The following CDC42SE2 variants were observed in gnomAD, a reference collection of about 807,000 sequenced individuals.
CDC42SE2 encodes CDC42 small effector protein 2.
In CDC42SE2, 3 loss-of-function variants were observed where a neutral mutation model predicts 11.5. The observed-to-expected ratio is 0.26, with a 90% CI of 0.12 to 0.67. CDC42SE2 has a LOEUF of 0.67. CDC42SE2 is among the 30% of genes least tolerant of loss of function. The pLI is 0.80. For missense variants in CDC42SE2, 82 were observed against 106.8 expected, an observed-to-expected ratio of 0.77 and a Z score of 1.02; for synonymous variants, 33 against 34.8, an observed-to-expected ratio of 0.95 and a Z score of 0.18.
the CDC42SE2 span, among the ~76,000 whole-genome samples, chr5:131,237,630 G>A: frequency 6.6e-6 from 1 of 152,182 alleles, no homozygotes; most frequent in Non-Finnish European, 1.5e-5. Flanking sequence ...CCAGGCTGGA[G>A]TGCAGTGGCA....
At position 131,368,207 on chromosome 5, in the gene CDC42SE2, T is replaced by C. The variant is rs1023811192; in HGVS notation, c.54+8660T>C. On this transcript the variant is annotated intron_variant, in intron 3 of 4. Transcript: ENST00000505065. ...GGCGGAGCTTGCAATGAGCCGAGATTGCGCCACTGCACTCCAGCCTGGGCA... is the reference window on the plus strand; with the variant it reads ...GGCGGAGCTTGCAATGAGCCGAGATCGCGCCACTGCACTCCAGCCTGGGCA... Among the ~76,000 whole-genome samples the C allele has an allele frequency of 1.2e-3, 177 of 146,780 alleles. 1 individual carries two copies. Among genetic ancestry groups the C allele is most frequent in the African/African-American group, 4.4e-3 (171 of 39,278 alleles).
chr5:131,381,007 C>T (rs969603744), intron 3 of CDC42SE2, among the ~76,000 whole-genome samples: 7 of 152,212 alleles, frequency 4.6e-5, no homozygotes, highest in African/African-American at 1.2e-4. Context: ...TGACCTCTCA[C>T]CACCTTTCAG....
At chr5:131,278,698 TCCTTTCCTTTCCTCTCCCCTCC>T (rs1757157178) in intron 1 of CDC42SE2, among the ~76,000 whole-genome samples, 1 of 90,346 alleles carries the variant, frequency 1.1e-5, no homozygotes, top group Admixed American at 1.3e-4. Flanking sequence ...TATTGGCAGT[TCCTTTCCTTTCCTCTCCCCTCC>T]CCTCCCCCCT....
At chr5:131,271,559 ATC>A (rs1756995534) in intron 1 of CDC42SE2, among the ~76,000 whole-genome samples, 1 of 152,176 alleles carries the variant, frequency 6.6e-6, no homozygotes, top group Admixed American at 6.6e-5. Context: ...GGACTTCAGC[ATC>A]TGGGGATTTG....
intron 2 of CDC42SE2, among the ~76,000 whole-genome samples, chr5:131,336,620 T>G (rs183594212): frequency 4.6e-5 from 7 of 152,210 alleles, no homozygotes; most frequent in Admixed American, 6.5e-5. Flanking sequence ...TTGAGACGTA[T>G]ATTTGGTCTT....
At chr5:131,307,856 G>A (rs1292791683) in intron 1 of CDC42SE2, among the ~76,000 whole-genome samples, 2 of 152,126 alleles carry the variant, frequency 1.3e-5, no homozygotes, top group African/African-American at 4.8e-5. Flanking sequence ...TTGGCTGCAT[G>A]AATGTCTTCT....
rs147335792 is a variant in CDC42SE2, at chr5:131,386,486, G to A, written c.156+842G>A. Among the ~76,000 whole-genome samples, 636 of 152,308 alleles carry A rather than the reference G, an allele frequency of 4.2e-3. 9 individuals are homozygous for A. Among genetic ancestry groups the A allele is most frequent in the African/African-American group, 0.014 (596 of 41,564 alleles). ...ATTTTCACATATCCCTTTAGGGCAA[G>A]GCAGTAAAAATTTGTCACATTTGCC... On this transcript the variant is annotated intron_variant, in intron 4 of 4. Coordinates refer to ENST00000505065, the MANE Select transcript of CDC42SE2 (RefSeq NM_001375635.1).
the CDC42SE2 span, among the ~76,000 whole-genome samples, chr5:131,222,199 T>A: frequency 6.6e-6 from 1 of 152,220 alleles, no homozygotes; most frequent in Non-Finnish European, 1.5e-5. Flanking sequence ...ATTTTACTAA[T>A]TTGGGATGGA....
intron 1 of CDC42SE2, among the ~76,000 whole-genome samples, chr5:131,298,384 T>C (rs1334655378): frequency 6.6e-6 from 1 of 151,848 alleles, no homozygotes; most frequent in Non-Finnish European, 1.5e-5. Flanking sequence ...GGCCTCCCAA[T>C]GTGCTCGGAT....
At chr5:131,297,753 A>C (rs1757601083) in intron 1 of CDC42SE2, among the ~76,000 whole-genome samples, 1 of 151,716 alleles carries the variant, frequency 6.6e-6, no homozygotes, top group South Asian at 2.1e-4. Context: ...AATAAAAATT[A>C]AAAATTATAA....
At chr5:131,333,729 A>G (rs571510024) in intron 2 of CDC42SE2, among the ~76,000 whole-genome samples, 11 of 152,208 alleles carry the variant, frequency 7.2e-5, no homozygotes, top group African/African-American at 1.9e-4. Flanking sequence ...CTTTGAAGCA[A>G]TTGTGAATGG....
chr5:131,264,679 C>A (rs1430834370), intron 1 of CDC42SE2, among the ~76,000 whole-genome samples: 4 of 152,210 alleles, frequency 2.6e-5, no homozygotes, highest in Admixed American at 6.5e-5. Flanking sequence ...TCGCCCCGGG[C>A]CCCGGGCTTG....
At chr5:131,258,560 C>T (rs1233617486) in intron 2 of CDC42SE2, among the ~76,000 whole-genome samples, 2 of 151,966 alleles carry the variant, frequency 1.3e-5, no homozygotes, top group Non-Finnish European at 2.9e-5. Context: ...AATTGGATCA[C>T]AGGCTATGTA....
the CDC42SE2 span, among the ~76,000 whole-genome samples, chr5:131,232,749 A>C: frequency 6.7e-6 from 1 of 150,050 alleles, no homozygotes. Context: ...AAAAAAAAAA[A>C]AAAAAACAAA....
chr5:131,325,845 A>G (rs185191148), intron 2 of CDC42SE2, among the ~76,000 whole-genome samples: 35 of 152,226 alleles, frequency 2.3e-4, no homozygotes, highest in Non-Finnish European at 4.3e-4. Context: ...TTCACTACAT[A>G]CTGCTTCTTC....
intron 1 of CDC42SE2, among the ~76,000 whole-genome samples, chr5:131,293,112 T>C (rs2149710652): frequency 6.6e-6 from 1 of 152,052 alleles, no homozygotes; most frequent in South Asian, 2.1e-4. Context: ...CTCAAATTCA[T>C]ATGTTGAAAT....
intron 2 of CDC42SE2, 74 bp from the exon 3 acceptor site, chr5:131,359,131 ATATT>A (rs993443760): frequency 2.1e-4 from 35 of 169,434 alleles, no homozygotes; most frequent in Admixed American, 6.3e-5. Flanking sequence ...TTTTTTGGTA[ATATT>A]TATTTTAAGA....
At chr5:131,254,884 C>T (rs758413142) in intron 1 of CDC42SE2, among the ~76,000 whole-genome samples, 3 of 151,994 alleles carry the variant, frequency 2.0e-5, no homozygotes, top group Non-Finnish European at 4.4e-5. Context: ...TATGTAGCTT[C>T]GATTTGTCAT....
the CDC42SE2 span, among the ~76,000 whole-genome samples, chr5:131,212,744 G>T: frequency 6.6e-6 from 1 of 152,068 alleles, no homozygotes; most frequent in Non-Finnish European, 1.5e-5. Flanking sequence ...CATGTAGTAC[G>T]TGCCAGAATA....
Sources: allele counts gnomAD v4.1 joint callset (sites outside exome capture counted in the v4.1 genomes callset), GRCh38; gene constraint gnomAD v4.1.1; transcripts MANE v1.5; gene names NCBI Gene and HGNC (gene_info 2026-07-23, HGNC 2026-07-21).